The following NTM variants were observed in gnomAD, a reference collection of about 807,000 sequenced individuals.
NTM encodes the protein IgLON family member 2.
In NTM, 13 loss-of-function variants were observed where a neutral mutation model predicts 42.1. The observed-to-expected ratio is 0.31, with a 90% CI of 0.20 to 0.49. The LOEUF (loss-of-function observed/expected upper bound fraction) is 0.49. NTM is among the 20% of genes least tolerant of loss of function. NTM has a pLI of 0.99. For missense variants in NTM, 373 were observed against 452.8 expected (o/e 0.82, Z 1.60); for synonymous variants, 187 against 179.2 (o/e 1.04, Z -0.35).
chr11:131,921,152 A>ACGG (rs2057165755), intron 2 of NTM, among the ~76,000 whole-genome samples: 1 of 152,256 alleles, frequency 6.6e-6, no homozygotes, highest in Admixed American at 6.5e-5. Flanking sequence ...CCATAAAAAA[A>ACGG]TTATATTGAT....
intron 1 of NTM, among the ~76,000 whole-genome samples, chr11:131,895,456 A>G: frequency 6.6e-6 from 1 of 152,134 alleles, no homozygotes; most frequent in East Asian, 1.9e-4. Flanking sequence ...TTTTATTTCA[A>G]TGGATATTTG....
At chr11:131,453,239 G>A (rs1950613534) in intron 1 of NTM, among the ~76,000 whole-genome samples, 1 of 152,282 alleles carries the variant, frequency 6.6e-6, no homozygotes, top group Non-Finnish European at 1.5e-5. Flanking sequence ...CTCAGAGATG[G>A]GAGGTTGGGA....
chr11:131,785,283 T>G (rs2088947500), intron 1 of NTM, among the ~76,000 whole-genome samples: 1 of 152,172 alleles, frequency 6.6e-6, no homozygotes, highest in African/African-American at 2.4e-5. Flanking sequence ...TGAAAGCACC[T>G]GAGCCATGGT....
chr11:131,434,560 T>C (rs1161398339), intron 1 of NTM, among the ~76,000 whole-genome samples: 1 of 152,230 alleles, frequency 6.6e-6, no homozygotes. Context: ...GTTTTTTTCA[T>C]GTGTTTGTTG....
chr11:131,466,719 G>A (rs1951933772), intron 1 of NTM, among the ~76,000 whole-genome samples: 1 of 152,170 alleles, frequency 6.6e-6, no homozygotes, highest in Non-Finnish European at 1.5e-5. Flanking sequence ...GTATATCATG[G>A]TTCCAAATCA....
chr11:131,563,628 C>T (rs2063241956), intron 1 of NTM, among the ~76,000 whole-genome samples: 1 of 140,084 alleles, frequency 7.1e-6, no homozygotes, highest in South Asian at 2.4e-4. Context: ...CCAAATACCA[C>T]ATATTTTTAA....
chr11:132,020,049 A>G (rs539570838), intron 2 of NTM, among the ~76,000 whole-genome samples: 6 of 151,878 alleles, frequency 4.0e-5, no homozygotes, highest in Non-Finnish European at 8.8e-5. Flanking sequence ...ATATTTACCC[A>G]GTGTTTAACT....
chr11:131,963,587 A>G (rs184038859), intron 2 of NTM, among the ~76,000 whole-genome samples: 4 of 152,332 alleles, frequency 2.6e-5, no homozygotes, highest in African/African-American at 9.6e-5. Flanking sequence ...AGAGGCACTG[A>G]GCAGGTTATT....
chr11:132,073,230 C>A (rs1275942470), intron 2 of NTM, among the ~76,000 whole-genome samples: 1 of 152,094 alleles, frequency 6.6e-6, no homozygotes, highest in African/African-American at 2.4e-5. Context: ...GAAGGGGATC[C>A]AGTGAAAATA....
At chr11:131,516,066 G>A (rs1220982858) in intron 1 of NTM, among the ~76,000 whole-genome samples, 3 of 152,212 alleles carry the variant, frequency 2.0e-5, no homozygotes, top group Non-Finnish European at 4.4e-5. Flanking sequence ...ATGTGTATTT[G>A]TTGGGGTTTT....
chr11:131,937,763 A>T (rs746646822), intron 2 of NTM, among the ~76,000 whole-genome samples: 1 of 152,178 alleles, frequency 6.6e-6, no homozygotes, highest in African/African-American at 2.4e-5. Context: ...ATAGTTTTCC[A>T]TTTAGAAAGC....
intron 1 of NTM, among the ~76,000 whole-genome samples, chr11:131,887,731 T>C (rs1327456694): frequency 6.6e-6 from 1 of 152,200 alleles, no homozygotes; most frequent in Non-Finnish European, 1.5e-5. Flanking sequence ...ATCTTCCCCA[T>C]TAAGTTATGA....
intron 2 of NTM, among the ~76,000 whole-genome samples, chr11:132,093,144 A>G (rs1453228937): frequency 3.9e-5 from 6 of 152,016 alleles, no homozygotes. Context: ...CCATCATCTG[A>G]TGTCTTACAT....
At chr11:131,550,846 T>A (rs1363332780) in intron 1 of NTM, among the ~76,000 whole-genome samples, 1 of 152,084 alleles carries the variant, frequency 6.6e-6, no homozygotes, top group South Asian at 2.1e-4. Flanking sequence ...TTTAAAAAAA[T>A]ACCCTCAAAA....
intron 1 of NTM, among the ~76,000 whole-genome samples, chr11:131,421,157 G>A (rs897451750): frequency 1.3e-5 from 2 of 152,184 alleles, no homozygotes; most frequent in African/African-American, 2.4e-5. Context: ...AAGAAATCAC[G>A]CATTTGACCT....
chr11:131,885,381 CG>C, intron 1 of NTM, among the ~76,000 whole-genome samples: 1 of 152,302 alleles, frequency 6.6e-6, no homozygotes, highest in Non-Finnish European at 1.5e-5. Context: ...TACACAACTG[CG>C]GGCAGGTGGG....
chr11:131,820,123 C>T (rs190142444), intron 1 of NTM, among the ~76,000 whole-genome samples: 119 of 152,294 alleles, frequency 7.8e-4, no homozygotes, highest in African/African-American at 2.4e-3. Context: ...ATAACATAAG[C>T]GGCTGCTTGG....
intron 1 of NTM, among the ~76,000 whole-genome samples, chr11:131,574,393 C>G (rs1005944142): frequency 6.6e-6 from 1 of 152,222 alleles, no homozygotes; most frequent in South Asian, 2.1e-4. Context: ...AGGCGTTGTT[C>G]ATACTCTATT....
At chr11:131,805,852 A>T (rs10791170) in intron 1 of NTM, among the ~76,000 whole-genome samples, 2 of 151,992 alleles carry the variant, frequency 1.3e-5, no homozygotes, top group African/African-American at 2.4e-5. Flanking sequence ...CGGAGCAAAC[A>T]GATTTAGAAA....
Sources: gnomAD v4.1 joint callset for allele counts (sites outside exome capture counted in the v4.1 genomes callset) on GRCh38, gnomAD v4.1.1 for gene constraint, MANE v1.5 for transcripts, NCBI Gene and HGNC (gene_info 2026-07-23, HGNC 2026-07-21) for gene names.